Variants in LRFN2 observed in about 807,000 individuals in gnomAD.
The protein encoded by LRFN2 is leucine-rich repeat and fibronectin type-III domain-containing protein 2.
A neutral mutation model predicts 37.3 loss-of-function variants in LRFN2; 18 were observed. That is an observed-to-expected ratio of 0.48 (90% CI 0.33 to 0.72). The LOEUF is 0.72. Ranked by LOEUF, LRFN2 falls within the 30% of genes least tolerant of loss-of-function variation. LRFN2 has a pLI of 0.02. For missense variants in LRFN2, 1,006 were observed against 1,060.7 expected (o/e 0.95, Z 0.72); for synonymous variants, 556 against 466.6 (o/e 1.19, Z -2.47).
intron 1 of LRFN2, among the ~76,000 whole-genome samples, chr6:40,549,973 G>A (rs1192774149): frequency 2.6e-5 from 4 of 152,174 alleles, no homozygotes; most frequent in Non-Finnish European, 5.9e-5. Context: ...GGCGGAGGTT[G>A]CAGTGAGCTG....
At chr6:40,579,690 AC>A (rs1244847387) in intron 1 of LRFN2, among the ~76,000 whole-genome samples, 1 of 151,960 alleles carries the variant, frequency 6.6e-6, no homozygotes, top group East Asian at 1.9e-4. Context: ...TGGAACCGCC[AC>A]CCCCAACATA....
In LRFN2 at chr6:40,429,588, G is replaced by T. The variant is rs184242661; in HGVS notation, c.1400+2126C>A. On this transcript the variant is annotated intron_variant, in intron 2 of 2. Coordinates refer to ENST00000338305, the MANE Select transcript of LRFN2 (RefSeq NM_020737.3). ...TTATATATTCAATATTGGCAAAAGTGTGATCAAAATGAGTACTTCCACTGG... is the reference window on the plus strand; with the variant it reads ...TTATATATTCAATATTGGCAAAAGTTTGATCAAAATGAGTACTTCCACTGG... Among the ~76,000 whole-genome samples the T allele has an allele frequency of 2.3e-3, 345 of 152,302 alleles. 9 individuals are homozygous for T. The East Asian group carries it at 0.025, about 11-fold the overall frequency.
At chr6:40,490,606 TCTC>T (rs1221471566) in intron 1 of LRFN2, among the ~76,000 whole-genome samples, 1 of 152,146 alleles carries the variant, frequency 6.6e-6, no homozygotes, top group South Asian at 2.1e-4. Flanking sequence ...GATTCCCTGC[TCTC>T]CTCTAGAGCT....
intron 1 of LRFN2, among the ~76,000 whole-genome samples, chr6:40,487,806 G>A (rs1397173086): frequency 6.6e-6 from 1 of 152,200 alleles, no homozygotes; most frequent in Admixed American, 6.5e-5. Context: ...ACCCTTCCCA[G>A]CTGTCTGCTG....
In LRFN2 at chr6:40,530,652, A is replaced by T. The variant is rs540643558; in HGVS notation, c.-19+56289T>A. Among the ~76,000 whole-genome samples, 3 of 151,298 alleles carry T rather than the reference A, an allele frequency of 2.0e-5. No individual in the cohort carries two copies. The South Asian group carries it at 6.3e-4, about 32-fold the overall frequency. On this transcript the variant is annotated intron_variant, in intron 1 of 2. Transcript: ENST00000338305. ...CTCCCCAGGACCCGTCACCCCCAGC[A>T]CCCATTGCTCTCTTCACTCTCCACA...
At chr6:40,569,405 C>A (rs1348963682) in intron 1 of LRFN2, among the ~76,000 whole-genome samples, 1 of 152,058 alleles carries the variant, frequency 6.6e-6, no homozygotes, top group Non-Finnish European at 1.5e-5. Flanking sequence ...AACAAGAACC[C>A]CAGAGGCCAA....
At chr6:40,461,831 A>G (rs1764355762) in intron 1 of LRFN2, among the ~76,000 whole-genome samples, 1 of 152,122 alleles carries the variant, frequency 6.6e-6, no homozygotes, top group Non-Finnish European at 1.5e-5. Context: ...TCCCCGCAAA[A>G]CCTCACACTC....
intron 1 of LRFN2, among the ~76,000 whole-genome samples, chr6:40,483,979 G>T (rs1392445802): frequency 6.6e-6 from 1 of 152,138 alleles, no homozygotes; most frequent in African/African-American, 2.4e-5. Context: ...CCCTCTCCCT[G>T]CCAGGAGTGC....
At chr6:40,452,810 T>C (rs180873977) in intron 1 of LRFN2, among the ~76,000 whole-genome samples, 53 of 151,606 alleles carry the variant, frequency 3.5e-4, no homozygotes, top group East Asian at 3.5e-3. Flanking sequence ...AAAGAGAAGG[T>C]CACACAAAGA....
At chr6:40,558,999 C>T (rs1346471432) in intron 1 of LRFN2, among the ~76,000 whole-genome samples, 1 of 152,072 alleles carries the variant, frequency 6.6e-6, no homozygotes, top group Non-Finnish European at 1.5e-5. Flanking sequence ...GGGAAGGCAA[C>T]CCCAGGTGTC....
At position 40,447,281 on chromosome 6, in the gene LRFN2, C is replaced by A. The variant is rs544019280; in HGVS notation, c.-18-14150G>T. On this transcript the variant is annotated intron_variant, in intron 1 of 2. Coordinates refer to ENST00000338305, the MANE Select transcript of LRFN2 (RefSeq NM_020737.3). ...AACCTCAAGCAAAGCATGTCCCCAC[C>A]GTATGCCTCAGTTTTCTTGTGTAAA... Among the ~76,000 whole-genome samples, 12 of 152,346 alleles carry A rather than the reference C, an allele frequency of 7.9e-5. 1 individual carries two copies. In the South Asian group the frequency reaches 2.5e-3, roughly 32 times the overall value.
intron 2 of LRFN2, among the ~76,000 whole-genome samples, chr6:40,426,710 G>A (rs1285028440): frequency 6.6e-6 from 1 of 152,134 alleles, no homozygotes; most frequent in East Asian, 1.9e-4. Flanking sequence ...AGTTAAAGGA[G>A]CCATGAGTTC....
intron 1 of LRFN2, among the ~76,000 whole-genome samples, chr6:40,464,264 G>T (rs544852068): frequency 6.6e-6 from 1 of 152,276 alleles, no homozygotes; most frequent in Non-Finnish European, 1.5e-5. Flanking sequence ...TATTTCTGAT[G>T]AATCAATAGA....
chr6:40,552,396 G>A (rs1375811222), intron 1 of LRFN2, among the ~76,000 whole-genome samples: 1 of 152,208 alleles, frequency 6.6e-6, no homozygotes, highest in African/African-American at 2.4e-5. Context: ...AGTGATGCCA[G>A]TGCTTCTGCC....
Position 40,432,349 on chromosome 6 carries a change from C to A in LRFN2, c.765G>T (p.Arg255Ser). 2 of 1,614,198 alleles carry A rather than the reference C, an allele frequency of 1.2e-6. No homozygotes were observed. The highest frequency in any genetic ancestry group is 1.7e-6 in the Non-Finnish European group (2 of 1,180,046). ...HCNCELLWLR[R>S]LERDDDLETC... The stretch of plus-strand genomic sequence containing the variant: ...TTTCCAGGTCATCGTCCCGCTCGAG[C>A]CTCCGCAGCCAGAGAAGCTCACAAT... Residue 255 changes from arginine (R) to serine (S), a missense_variant, in exon 2 of 3, where the codon AGG (arginine) becomes AGT (serine). Physicochemically the swap from Arg to Ser is moderately radical, Grantham distance 110. Coordinates refer to ENST00000338305, the MANE Select transcript of LRFN2 (RefSeq NM_020737.3).
At chr6:40,550,992 C>T (rs1002930828) in intron 1 of LRFN2, among the ~76,000 whole-genome samples, 5 of 152,142 alleles carry the variant, frequency 3.3e-5, no homozygotes, top group Non-Finnish European at 7.3e-5. Context: ...GGATGGGAGT[C>T]GTTGCCTTCA....
At chr6:40,518,071 C>T (rs1419426570) in intron 1 of LRFN2, among the ~76,000 whole-genome samples, 2 of 152,132 alleles carry the variant, frequency 1.3e-5, no homozygotes, top group African/African-American at 4.8e-5. Flanking sequence ...ATGCTAGTCC[C>T]AGTCTGGTCT....
At chr6:40,424,049 C>T (rs1763290568) in intron 2 of LRFN2, among the ~76,000 whole-genome samples, 1 of 152,208 alleles carries the variant, frequency 6.6e-6, no homozygotes, top group Admixed American at 6.5e-5. Flanking sequence ...CTACCCTGGA[C>T]TTCTGACTCC....
At chr6:40,412,293 C>CAAGG (rs1488967837) in intron 2 of LRFN2, among the ~76,000 whole-genome samples, 1 of 152,140 alleles carries the variant, frequency 6.6e-6, no homozygotes, top group Non-Finnish European at 1.5e-5. Context: ...CTTCCTCAGT[C>CAAGG]AAGGAACTCA....
Sources: allele counts gnomAD v4.1 joint callset (sites outside exome capture counted in the v4.1 genomes callset), GRCh38; gene constraint gnomAD v4.1.1; transcripts MANE v1.5; gene names NCBI Gene and HGNC (gene_info 2026-07-23, HGNC 2026-07-21).